The following MYO10 variants were observed in gnomAD, a reference collection of about 807,000 sequenced individuals.
The protein encoded by MYO10 is myosin X, also known as unconventional myosin-X.
In MYO10, 133 loss-of-function variants were observed where a neutral mutation model predicts 257.3. The observed-to-expected ratio is 0.52, with a 90% CI of 0.45 to 0.60. The LOEUF (loss-of-function observed/expected upper bound fraction) is 0.60, where lower values mean the gene tolerates loss of function less well. Ranked by LOEUF, MYO10 falls within the 20% of genes least tolerant of loss-of-function variation. The probability of loss-of-function intolerance (pLI) is 0.00; values close to 1 mark genes in which losing one functional copy is unlikely to be tolerated. For synonymous variants in MYO10, 1,104 were observed against 1,028.6 expected (o/e 1.07, Z -1.40); for missense variants, 2,399 against 2,635.7 (o/e 0.91, Z 1.97).
At position 16,848,271 on chromosome 5, in the gene MYO10, G is replaced by A. The variant is rs147279179; in HGVS notation, c.120+29338C>T. Among the ~76,000 whole-genome samples, 716 of 149,476 alleles carry A rather than the reference G, an allele frequency of 4.8e-3. 8 individuals are homozygous for A. The highest frequency in any genetic ancestry group is 0.017 in the African/African-American group (670 of 40,330). On this transcript the variant is annotated intron_variant, in intron 2 of 40. Coordinates refer to ENST00000513610, the MANE Select transcript of MYO10 (RefSeq NM_012334.3). ...CCTCCTGGGTTCAAGCAATTCTCCT[G>A]CCTCAGTCTCCCAAGTAGCTGAGAT...
rs549041681 is a variant in MYO10 at position 16,755,410 on chromosome 5, C to T, written c.1849-502G>A. ...TCGATCTCCTGACTTCGTGATCCAC[C>T]GGCCTCAGCCTCCCAAAGTGCTGGG... On this transcript the variant is annotated intron_variant, in intron 18 of 40. Coordinates refer to ENST00000513610, the MANE Select transcript of MYO10 (RefSeq NM_012334.3). Among the ~76,000 whole-genome samples, 41 of 152,330 alleles carry T rather than the reference C, an allele frequency of 2.7e-4. No homozygotes were observed. In the South Asian group the frequency reaches 7.0e-3, roughly 26 times the overall value.
Position 16,884,256 on chromosome 5 carries a change from G to A in MYO10, c.22-6549C>T, listed in dbSNP as rs145593028. 6.9e-3 allele frequency among the ~76,000 whole-genome samples: 1,049 copies of A among 152,172 alleles called. 12 individuals are homozygous for A. Among genetic ancestry groups the A allele is most frequent in the African/African-American group, 0.024 (977 of 41,520 alleles). On this transcript the variant is annotated intron_variant, in intron 1 of 40. Transcript: ENST00000513610. The stretch of plus-strand genomic sequence containing the variant: ...TAAAAATGCAAAAAATAAGCCAGGC[G>A]TGGTGGTGCATGCCTGTGGTCTCAG...
intron 2 of MYO10, among the ~76,000 whole-genome samples, chr5:16,875,685 A>G (rs1744581719): frequency 6.6e-6 from 1 of 152,264 alleles, no homozygotes; most frequent in Non-Finnish European, 1.5e-5. Flanking sequence ...ACAGCTTATC[A>G]AATCAAGAAC....
chr5:16,774,804 C>T, intron 9 of MYO10, among the ~76,000 whole-genome samples: 1 of 152,140 alleles, frequency 6.6e-6, no homozygotes, highest in East Asian at 1.9e-4. Flanking sequence ...AGTTTTCCAA[C>T]ACTGAAAGAG....
chr5:16,751,644 G>A (rs538646625), intron 19 of MYO10, among the ~76,000 whole-genome samples: 1 of 151,158 alleles, frequency 6.6e-6, no homozygotes, highest in African/African-American at 2.4e-5. Flanking sequence ...ACCAAACCTG[G>A]CTAATTTTTT....
At position 16,685,721 on chromosome 5, in the gene MYO10, A is replaced by T; in HGVS notation, c.3990+17T>A. Reference sequence around the variant, plus strand: ...CCCCTAGACGCCCCACCCCCATCCCACACAGTGCTCCCGTACCACAGCATT... The same window carrying T: ...CCCCTAGACGCCCCACCCCCATCCCTCACAGTGCTCCCGTACCACAGCATT... On this transcript the variant is annotated intron_variant, in intron 29 of 40. Coordinates refer to ENST00000513610, the MANE Select transcript of MYO10 (RefSeq NM_012334.3). The T allele has an allele frequency of 7.7e-7, 1 of 1,302,712 alleles. No individual in the cohort carries two copies. The highest frequency in any genetic ancestry group is 1.0e-6 in the Non-Finnish European group (1 of 974,662). The allele number at this position is 1,302,712 out of a possible 1,614,324, so 80.7% of individuals were successfully genotyped here. A position where few individuals can be genotyped will look rare whatever the true frequency, so the allele number is the denominator to read the frequency against.
chr5:16,777,445 GATTTC>G (rs1320796896), intron 9 of MYO10, among the ~76,000 whole-genome samples: 1 of 152,148 alleles, frequency 6.6e-6, no homozygotes, highest in Non-Finnish European at 1.5e-5. Flanking sequence ...AAAATATTCT[GATTTC>G]ATTCCACAGA....
intron 1 of MYO10, among the ~76,000 whole-genome samples, chr5:16,913,351 G>A (rs1745726179): frequency 6.6e-6 from 1 of 152,182 alleles, no homozygotes; most frequent in Admixed American, 6.5e-5. Flanking sequence ...AATGCTAGAA[G>A]GAATCCAAGC....
intron 38 of MYO10, 47 bp downstream of exon 38, chr5:16,671,372 TTCA>T (rs765665832): frequency 1.2e-6 from 2 of 1,603,902 alleles, no homozygotes; most frequent in East Asian, 4.5e-5. Flanking sequence ...ATTAACAGGT[TTCA>T]CCCTTGCTTG....
intron 3 of MYO10, chr5:16,814,698 A>T (rs890599280): frequency 5.3e-5 from 8 of 152,204 alleles, no homozygotes; most frequent in Non-Finnish European, 1.0e-4. Flanking sequence ...TGATAATTTT[A>T]AAAAATCATG....
chr5:16,769,183 C>T lies in MYO10; in HGVS notation c.951G>A (p.Gln317=). The T allele has an allele frequency of 6.2e-7, 1 of 1,610,816 alleles. No homozygotes were observed. The highest frequency in any genetic ancestry group is 8.5e-7 in the Non-Finnish European group (1 of 1,178,784). Residue 317 remains glutamine, a synonymous_variant, in exon 10 of 41, where the codon CAG becomes CAA. Coordinates refer to ENST00000513610, the MANE Select transcript of MYO10 (RefSeq NM_012334.3). ...CTTCCCGAACTTCCTCCTTGCTGAACTGCATCACGTCCATTGCCGTCTAGA... is the reference window on the plus strand; with the variant it reads ...CTTCCCGAACTTCCTCCTTGCTGAATTGCATCACGTCCATTGCCGTCTAGA... The part of the protein sequence containing the change: ...REVITAMDVM[Q]FSKEEVREVS...
At chr5:16,762,693 G>T in intron 14 of MYO10, 56 bp from the exon 15 acceptor site, 1 of 1,320,298 alleles carries the variant, frequency 7.6e-7, no homozygotes. Context: ...GGGTGCATGG[G>T]TAGCTCATGC....
At chr5:16,676,896 G>T (rs756577150) in intron 33 of MYO10, among the ~76,000 whole-genome samples, 8 of 152,156 alleles carry the variant, frequency 5.3e-5, no homozygotes, top group Non-Finnish European at 1.2e-4. Flanking sequence ...TATTGATTTA[G>T]CCATCAGTAG....
chr5:16,684,539 T>C (rs1236951053), intron 29 of MYO10, among the ~76,000 whole-genome samples: 2 of 152,252 alleles, frequency 1.3e-5, no homozygotes, highest in African/African-American at 4.8e-5. Flanking sequence ...CTTCCGCACC[T>C]GGCCCCTCTT....
chr5:16,927,214 T>C (rs1746159167), intron 1 of MYO10, among the ~76,000 whole-genome samples: 1 of 149,790 alleles, frequency 6.7e-6, no homozygotes, highest in Admixed American at 6.8e-5. Flanking sequence ...CAGAAACATA[T>C]ATATGAAGGC....
chr5:16,701,488 G>T lies in MYO10; in HGVS notation c.2907C>A (p.Ser969Arg). 2 of 1,613,884 alleles carry T rather than the reference G, an allele frequency of 1.2e-6. No individual in the cohort carries two copies. Among genetic ancestry groups the T allele is most frequent in the Non-Finnish European group, 8.5e-7 (1 of 1,179,870 alleles). ...RSLSVGSEFS[S>R]ELAESACEEK... ...CCTCGCATGCGCTCTCAGCCAGCTC[G>T]CTGGAAAATTCGCTTCCCACCGACA... Residue 969 changes from serine to arginine, a missense_variant, in exon 25 of 41, where the codon AGC becomes AGA. Ser to Arg is a moderately radical substitution (Grantham distance 110). Coordinates refer to ENST00000513610, the MANE Select transcript of MYO10 (RefSeq NM_012334.3). This position sits in a 1 kb window ranked among gnomAD's most constrained non-coding sequence, Gnocchi z 8.1.
At chr5:16,861,587 A>G (rs570930778) in intron 2 of MYO10, among the ~76,000 whole-genome samples, 4 of 152,134 alleles carry the variant, frequency 2.6e-5, no homozygotes, top group Non-Finnish European at 5.9e-5. Context: ...AAAGAAAAAA[A>G]GCTATTGCAA....
chr5:16,840,722 CACA>C (rs144145144), intron 2 of MYO10, among the ~76,000 whole-genome samples: 2,520 of 151,650 alleles, frequency 0.017, 76 homozygotes, highest in African/African-American at 0.058. Context: ...GTGCAATATG[CACA>C]ACAAAAATAT....
chr5:16,701,277 C>A lies in MYO10; in HGVS notation c.3118G>T (p.Val1040Leu). ...SEEDPYMNDTVVPTSPSADST... is the reference protein window; with the variant it reads ...SEEDPYMNDTLVPTSPSADST... The stretch of plus-strand genomic sequence containing the variant: ...TCCGCACTGGGGCTGGTGGGCACCA[C>A]CGTGTCGTTCATGTATGGGTCCTCC... The change falls in exon 25 of 41, where the codon GTG becomes TTG. Residue 1040 changes from valine (V) to leucine (L), a missense_variant. Coordinates refer to ENST00000513610, the MANE Select transcript of MYO10 (RefSeq NM_012334.3). This position sits in a 1 kb window ranked among gnomAD's most constrained non-coding sequence, Gnocchi z 8.1. 5 of 1,613,812 alleles carry A rather than the reference C, an allele frequency of 3.1e-6. No individual in the cohort carries two copies. Among genetic ancestry groups the A allele is most frequent in the Non-Finnish European group, 4.2e-6 (5 of 1,179,850 alleles).
Sources: allele counts gnomAD v4.1 joint callset (sites outside exome capture counted in the v4.1 genomes callset), GRCh38; gene constraint gnomAD v4.1.1; non-coding constraint Gnocchi (gnomAD v3.1); transcripts MANE v1.5; gene names NCBI Gene and HGNC (gene_info 2026-07-23, HGNC 2026-07-21).